The following USH2A variants were observed in gnomAD, a reference collection of about 807,000 sequenced individuals.
The protein encoded by USH2A is Usher syndrome 2A (autosomal recessive, mild).
In USH2A, 443 loss-of-function variants were observed where a neutral mutation model predicts 538.9. That is an observed-to-expected ratio of 0.82 (90% CI 0.76 to 0.89). The LOEUF (loss-of-function observed/expected upper bound fraction) is 0.89. Among genes scored for constraint, USH2A ranks in the 40% least tolerant of loss-of-function variants. The probability of loss-of-function intolerance (pLI) is 0.00; values close to 1 mark genes in which losing one functional copy is unlikely to be tolerated. For missense variants in USH2A, 6,633 were observed against 6,324.8 expected (o/e 1.05, Z -1.65); for synonymous variants, 2,413 against 2,273.5 (o/e 1.06, Z -1.75).
chr1:216,116,839 A>G (rs1240044719), intron 21 of USH2A, among the ~76,000 whole-genome samples: 1 of 152,082 alleles, frequency 6.6e-6, no homozygotes, highest in African/African-American at 2.4e-5. Flanking sequence ...AGGAAAAAAA[A>G]AGCTAACACA....
intron 38 of USH2A, among the ~76,000 whole-genome samples, chr1:215,916,635 G>T (rs749439546): frequency 2.0e-5 from 3 of 152,028 alleles, no homozygotes; most frequent in South Asian, 2.1e-4. Context: ...AATGAAAAAT[G>T]GTTCCCATGT....
At chr1:216,190,501 T>C in intron 19 of USH2A, 134 bp from the exon 20 acceptor site, 1 of 1,208,308 alleles carries the variant, frequency 8.3e-7, no homozygotes, top group South Asian at 1.4e-5. Flanking sequence ...GAAAAGGGTT[T>C]TTTTTTTTTT....
In USH2A at chr1:216,324,326, A is replaced by G. The variant is rs751653433; in HGVS notation, c.1170T>C (p.Phe390=). 6.2e-7 allele frequency: 1 copy of G among 1,612,384 alleles called. No individual in the cohort carries two copies. Among genetic ancestry groups the G allele is most frequent in the Non-Finnish European group, 8.5e-7 (1 of 1,179,100 alleles). The part of the protein sequence containing the change: ...YQVFYIIIQF[F]SPQPTEIRIQ... The stretch of plus-strand genomic sequence containing the variant: ...TCCTTATTTCCGTTGGTTGTGGACT[A>G]AAGAACTGAATGATAATATAAAACA... The change falls in exon 7 of 72, where the codon TTT becomes TTC. Residue 390 remains phenylalanine, a synonymous_variant. Transcript: ENST00000307340.
chr1:216,201,962 T>G (rs747736078), intron 16 of USH2A: 1 of 152,508 alleles, frequency 6.6e-6, no homozygotes, highest in Non-Finnish European at 1.5e-5. Context: ...AGGGCTGAGA[T>G]TCAGACTTTC....
intron 21 of USH2A, among the ~76,000 whole-genome samples, chr1:216,135,414 T>C (rs1385913022): frequency 1.3e-5 from 2 of 152,110 alleles, no homozygotes; most frequent in African/African-American, 4.8e-5. Flanking sequence ...GTGTTCAGTG[T>C]TGAGCTGCCA....
At chr1:215,884,288 C>T (rs1329874469) in intron 41 of USH2A, among the ~76,000 whole-genome samples, 5 of 152,112 alleles carry the variant, frequency 3.3e-5, no homozygotes, top group Admixed American at 1.3e-4. Context: ...CAAAAAACAT[C>T]GGCATTCTGA....
intron 32 of USH2A, among the ~76,000 whole-genome samples, chr1:216,015,776 G>A (rs912235458): frequency 2.6e-5 from 4 of 152,156 alleles, no homozygotes; most frequent in African/African-American, 9.7e-5. Flanking sequence ...CAGTGATGAT[G>A]AGCATTTTTT....
chr1:216,297,957 C>T (rs775609735), intron 9 of USH2A, among the ~76,000 whole-genome samples: 1 of 152,118 alleles, frequency 6.6e-6, no homozygotes, highest in South Asian at 2.1e-4. Context: ...GAGAAATGAG[C>T]TCATTAAGCT....
At position 216,086,667 on chromosome 1, in the gene USH2A, G is replaced by T. The variant is rs878895193; in HGVS notation, c.4987+52C>A. 4.6e-6 allele frequency: 6 copies of T among 1,311,932 alleles called. No individual in the cohort carries two copies. In the Admixed American group the frequency reaches 1.0e-4, roughly 23 times the overall value. The allele number at this position is 1,311,932 out of a possible 1,614,324, so 81.3% of individuals were successfully genotyped here. On this transcript the variant is annotated intron_variant, in intron 24 of 71. Transcript: ENST00000307340. ...TTCTTACTTTAAAATAATGTAAACA[G>T]GTTCTATTCTAAGTTTGGATGACAA...
Position 215,759,712 on chromosome 1 carries a change from C to G in USH2A, c.11179G>C (p.Gly3727Arg). 1 of 1,613,982 alleles carries G rather than the reference C, an allele frequency of 6.2e-7. No homozygotes were observed. The change falls in exon 57 of 72, where the codon GGT becomes CGT. Residue 3727 changes from glycine (G) to arginine (R), a missense_variant. Coordinates refer to ENST00000307340, the MANE Select transcript of USH2A (RefSeq NM_206933.4). Reference protein sequence around the residue: ...LSRNGNLLFLGGSEEQNFTDK... With the variant: ...LSRNGNLLFLRGSEEQNFTDK... ...GTGAAATTCTGCTCCTCACTGCCAC[C>G]CAGGAAAAGCAAGTTTCCATTACGA...
chr1:216,189,736 C>T (rs1414102316), intron 20 of USH2A, among the ~76,000 whole-genome samples: 1 of 151,752 alleles, frequency 6.6e-6, no homozygotes, highest in East Asian at 1.9e-4. Flanking sequence ...TCTAGATGTT[C>T]CCATGGATCA....
intron 21 of USH2A, among the ~76,000 whole-genome samples, chr1:216,132,005 T>C (rs1313492086): frequency 1.3e-5 from 2 of 152,072 alleles, no homozygotes; most frequent in Non-Finnish European, 2.9e-5. Flanking sequence ...TAGAAATGGG[T>C]TCTGAATCCA....
At chr1:216,135,841 T>C in intron 21 of USH2A, among the ~76,000 whole-genome samples, 1 of 152,162 alleles carries the variant, frequency 6.6e-6, no homozygotes, top group East Asian at 1.9e-4. Flanking sequence ...TTTTGCTTGT[T>C]AGAATTCTGC....
chr1:216,203,812 AG>A (rs899591692), intron 16 of USH2A, among the ~76,000 whole-genome samples: 3 of 152,216 alleles, frequency 2.0e-5, no homozygotes, highest in Admixed American at 1.3e-4. Flanking sequence ...TAATATCTGT[AG>A]GTGATAGAAG....
intron 26 of USH2A, chr1:216,079,983 T>A (rs1304366949): frequency 6.6e-6 from 1 of 152,098 alleles, no homozygotes; most frequent in Non-Finnish European, 1.5e-5. Context: ...TCTGCCATCA[T>A]CACGTTATGA....
chr1:216,070,311 G>T lies in USH2A; in HGVS notation c.5858-19C>A. On this transcript the variant is annotated intron_variant, in intron 29 of 71. Coordinates refer to ENST00000307340, the MANE Select transcript of USH2A (RefSeq NM_206933.4). Reference sequence around the variant, plus strand: ...TGTGGAGCTGTGAAGGAATAAAAGAGAAAATAGGGAAAATGGCAGTTCTGA... The same window carrying T: ...TGTGGAGCTGTGAAGGAATAAAAGATAAAATAGGGAAAATGGCAGTTCTGA... 1 of 1,611,982 alleles carries T rather than the reference G, an allele frequency of 6.2e-7. No homozygotes were observed. The highest frequency in any genetic ancestry group is 1.1e-5 in the South Asian group (1 of 90,998).
At chr1:215,739,306 T>A (rs1374868290) in intron 60 of USH2A, among the ~76,000 whole-genome samples, 5 of 152,216 alleles carry the variant, frequency 3.3e-5, no homozygotes, top group African/African-American at 1.2e-4. Context: ...GTGATTAGAA[T>A]AATCAGATGC....
At chr1:216,421,798 CACT>C in intron 2 of USH2A, 51 bp downstream of exon 2, 3 of 1,613,128 alleles carry the variant, frequency 1.9e-6, no homozygotes, top group Non-Finnish European at 2.5e-6. Flanking sequence ...AAATGATCTT[CACT>C]ACTACTGGTT....
chr1:215,755,017 C>T (rs72740654), intron 58 of USH2A, among the ~76,000 whole-genome samples: 8,071 of 152,214 alleles, frequency 0.053, 246 homozygotes, highest in African/African-American at 0.088. Context: ...AGTCTTGGCA[C>T]GCCACTACAC....
Sources: allele counts gnomAD v4.1 joint callset (sites outside exome capture counted in the v4.1 genomes callset), GRCh38; gene constraint gnomAD v4.1.1; transcripts MANE v1.5; gene names NCBI Gene and HGNC (gene_info 2026-07-23, HGNC 2026-07-21).